KIZ: variants seen among roughly 807,000 people sequenced by gnomAD.
KIZ encodes the protein centrosomal protein kizuna.
In KIZ, 68 loss-of-function variants were observed where a neutral mutation model predicts 79.6. The ratio of observed to expected loss-of-function variants is 0.85; its 90% CI spans 0.70 to 1.05. The LOEUF (loss-of-function observed/expected upper bound fraction) is 1.05. Among genes scored for constraint, KIZ ranks in the 50% least tolerant of loss-of-function variants. The probability of loss-of-function intolerance (pLI) is 0.00; values close to 1 mark genes in which losing one functional copy is unlikely to be tolerated. For synonymous variants in KIZ, 280 were observed against 281.8 expected, an observed-to-expected ratio of 0.99 and a Z score of 0.06; for missense variants, 797 against 800.4, an observed-to-expected ratio of 1.00 and a Z score of 0.05.
intron 9 of KIZ, among the ~76,000 whole-genome samples, chr20:21,216,815 G>C (rs542307758): frequency 4.0e-4 from 61 of 152,248 alleles, no homozygotes; most frequent in African/African-American, 1.4e-3. Context: ...GATTATTGAG[G>C]AGAAACCAGG....
chr20:21,232,880 C>T (rs1418044679), intron 11 of KIZ, 50 bp downstream of exon 11: 1 of 796,346 alleles, frequency 1.3e-6, no homozygotes. Context: ...TGAGAAATGT[C>T]ACAGCGCAAT....
intron 3 of KIZ, 31 bp from the exon 4 acceptor site, chr20:21,145,534 T>C (rs1270455199): frequency 1.8e-6 from 2 of 1,100,358 alleles, no homozygotes; most frequent in Non-Finnish European, 2.6e-6. Context: ...TAAAAATATT[T>C]ATCACAAAAT....
chr20:21,241,480 T>A (rs557760132), intron 11 of KIZ, among the ~76,000 whole-genome samples: 8 of 152,208 alleles, frequency 5.3e-5, no homozygotes, highest in Admixed American at 1.3e-4. Context: ...ACACAGACAA[T>A]TAAGAACGAT....
chr20:21,214,387 A>G, intron 7 of KIZ, 148 bp from the exon 8 acceptor site: 1 of 577,978 alleles, frequency 1.7e-6, no homozygotes, highest in Non-Finnish European at 3.0e-6. Context: ...TTTTTTCTTG[A>G]CATTTTAATT....
intron 7 of KIZ, among the ~76,000 whole-genome samples, chr20:21,207,330 A>G (rs1052373782): frequency 2.0e-5 from 3 of 151,972 alleles, no homozygotes; most frequent in Non-Finnish European, 2.9e-5. Flanking sequence ...TAACATTTCA[A>G]ACATACATAT....
chr20:21,243,110 G>A (rs1349566804), intron 11 of KIZ, among the ~76,000 whole-genome samples: 1 of 152,010 alleles, frequency 6.6e-6, no homozygotes, highest in Non-Finnish European at 1.5e-5. Context: ...TCACTGACAG[G>A]TCCCCACAAT....
At chr20:21,185,147 G>C (rs2034821792) in intron 6 of KIZ, among the ~76,000 whole-genome samples, 3 of 152,110 alleles carry the variant, frequency 2.0e-5, no homozygotes, top group Non-Finnish European at 2.9e-5. Context: ...TTTTGAATTT[G>C]GGTTGGAAGC....
intron 7 of KIZ, among the ~76,000 whole-genome samples, chr20:21,207,766 C>T (rs2035894930): frequency 6.6e-6 from 1 of 151,974 alleles, no homozygotes; most frequent in African/African-American, 2.4e-5. Flanking sequence ...TGCAGTGGTG[C>T]AATCTCGGCT....
In KIZ at chr20:21,162,089, A is replaced by C; in HGVS notation, c.624A>C (p.Val208=). 6.2e-7 allele frequency: 1 copy of C among 1,613,686 alleles called. No homozygotes were observed. Among genetic ancestry groups the C allele is most frequent in the Non-Finnish European group, 8.5e-7 (1 of 1,179,626 alleles). ...GCAGTAATGTGACAGACAGCTGTGT[A>C]GTACAAACTAGTAATGACACACAGT... The part of the protein sequence containing the change: ...AQSSNVTDSC[V]VQTSNDTQCL... The change falls in exon 5 of 13, where the codon GTA becomes GTC. Residue 208 remains valine (V), a synonymous_variant. Transcript: ENST00000619189.
At chr20:21,180,030 G>A (rs1169590749) in intron 6 of KIZ, among the ~76,000 whole-genome samples, 3 of 152,144 alleles carry the variant, frequency 2.0e-5, no homozygotes, top group Non-Finnish European at 2.9e-5. Context: ...ATGCTATTGC[G>A]TTTGGGTGGA....
chr20:21,206,705 A>T (rs1305413951), intron 7 of KIZ, among the ~76,000 whole-genome samples: 1 of 152,184 alleles, frequency 6.6e-6, no homozygotes, highest in African/African-American at 2.4e-5. Context: ...GAGCTTTTTG[A>T]ACAGAGCTGT....
intron 6 of KIZ, among the ~76,000 whole-genome samples, chr20:21,201,877 G>A (rs1168437495): frequency 1.3e-5 from 2 of 152,212 alleles, no homozygotes; most frequent in Non-Finnish European, 2.9e-5. Flanking sequence ...GGAAGCCATG[G>A]CTGTTGCACT....
At chr20:21,180,540 G>A (rs1408248863) in intron 6 of KIZ, among the ~76,000 whole-genome samples, 2 of 152,034 alleles carry the variant, frequency 1.3e-5, no homozygotes, top group Non-Finnish European at 2.9e-5. Context: ...ATCCTACTAC[G>A]GGTGTAGCAA....
At chr20:21,155,614 G>A (rs150952182) in intron 4 of KIZ, among the ~76,000 whole-genome samples, 2 of 152,276 alleles carry the variant, frequency 1.3e-5, no homozygotes, top group East Asian at 3.9e-4. Context: ...TGTGGTGATG[G>A]TCGCACAACT....
chr20:21,193,065 G>A (rs182117181), intron 6 of KIZ, among the ~76,000 whole-genome samples: 4 of 151,822 alleles, frequency 2.6e-5, no homozygotes, highest in African/African-American at 7.3e-5. Flanking sequence ...ACAGGAGGGA[G>A]GTGGGGGAGG....
intron 4 of KIZ, among the ~76,000 whole-genome samples, chr20:21,149,894 A>G (rs957019519): frequency 1.3e-5 from 2 of 152,242 alleles, no homozygotes; most frequent in African/African-American, 4.8e-5. Flanking sequence ...GGACCCTAAC[A>G]CAAGGATTTG....
chr20:21,128,707 A>G (rs2031644608), intron 1 of KIZ, among the ~76,000 whole-genome samples: 2 of 152,262 alleles, frequency 1.3e-5, no homozygotes, highest in African/African-American at 2.4e-5. Flanking sequence ...ACCCACAAGC[A>G]TGGTAGAAAC....
At chr20:21,177,422 A>G (rs986913294) in intron 6 of KIZ, among the ~76,000 whole-genome samples, 1 of 152,096 alleles carries the variant, frequency 6.6e-6, no homozygotes. Context: ...CCCGTATTTT[A>G]ATCAGGTTAT....
intron 7 of KIZ, among the ~76,000 whole-genome samples, chr20:21,211,069 T>C (rs907239034): frequency 6.6e-6 from 1 of 152,240 alleles, no homozygotes; most frequent in Non-Finnish European, 1.5e-5. Context: ...CAATGTCTTT[T>C]CTATTAATGT....
Sources: gnomAD v4.1 joint callset for allele counts (sites outside exome capture counted in the v4.1 genomes callset) on GRCh38, gnomAD v4.1.1 for gene constraint, MANE v1.5 for transcripts, NCBI Gene and HGNC (gene_info 2026-07-23, HGNC 2026-07-21) for gene names.